The following RAB28 variants were observed in gnomAD, a reference collection of about 807,000 sequenced individuals.
The protein encoded by RAB28 is RAB28, member RAS oncogene family.
A neutral mutation model predicts 31.7 loss-of-function variants in RAB28; 24 were observed. The ratio of observed to expected loss-of-function variants is 0.76; its 90% CI spans 0.55 to 1.06. The LOEUF is 1.06. RAB28 is among the 50% of genes least tolerant of loss of function. The pLI is 0.00. For synonymous variants in RAB28, 100 were observed against 90.4 expected (o/e 1.11, Z -0.60); for missense variants, 254 against 258.5 (o/e 0.98, Z 0.12).
At chr4:13,466,730 T>A (rs1259424779) in intron 3 of RAB28, among the ~76,000 whole-genome samples, 1 of 151,930 alleles carries the variant, frequency 6.6e-6, no homozygotes, top group Non-Finnish European at 1.5e-5. Context: ...GTTTTTGCAC[T>A]CCCATGTTTG....
At chr4:13,449,179 A>G (rs1398617191) in intron 4 of RAB28, among the ~76,000 whole-genome samples, 2 of 151,976 alleles carry the variant, frequency 1.3e-5, no homozygotes, top group African/African-American at 4.8e-5. Context: ...ACTTTGGTAT[A>G]ATATTATAGG....
rs1422988916 is a variant in RAB28 at position 13,413,525 on chromosome 4, TAATA to T, written c.392-31935_392-31932del. On this transcript the variant is annotated intron_variant, in intron 4 of 6. Coordinates refer to ENST00000330852, the MANE Select transcript of RAB28 (RefSeq NM_001017979.3). The stretch of plus-strand genomic sequence containing the variant: ...TTTATTCGGCTCTTGTCACACTATT[TAATA>T]GTACCCGCAGAGAAAAAAGCATAAA... 3.3e-5 allele frequency among the ~76,000 whole-genome samples: 5 copies of T among 152,204 alleles called. No individual in the cohort carries two copies. In the East Asian group the frequency reaches 7.7e-4, roughly 24 times the overall value.
At chr4:13,401,050 A>T (rs1349017871) in intron 4 of RAB28, among the ~76,000 whole-genome samples, 1 of 152,162 alleles carries the variant, frequency 6.6e-6, no homozygotes, top group Non-Finnish European at 1.5e-5. Flanking sequence ...ATCTGATTTT[A>T]ATAGATTATT....
chr4:13,469,068 G>A (rs1215695830), intron 3 of RAB28, among the ~76,000 whole-genome samples: 1 of 151,940 alleles, frequency 6.6e-6, no homozygotes, highest in Admixed American at 6.6e-5. Context: ...CACCTCTTCA[G>A]GAGCCATAAT....
intron 6 of RAB28, chr4:13,371,678 T>TAGAAAAAC: frequency 6.7e-7 from 1 of 1,494,054 alleles, no homozygotes; most frequent in Non-Finnish European, 8.9e-7. Context: ...TTTCTATGAT[T>TAGAAAAAC]AGAAAAACAT....
At chr4:13,426,487 C>A (rs1285317007) in intron 4 of RAB28, among the ~76,000 whole-genome samples, 1 of 152,122 alleles carries the variant, frequency 6.6e-6, no homozygotes, top group Non-Finnish European at 1.5e-5. Context: ...AAAATATTTA[C>A]AAAGTACTGA....
intron 3 of RAB28, among the ~76,000 whole-genome samples, chr4:13,465,960 T>C (rs1715822262): frequency 6.6e-6 from 1 of 151,590 alleles, no homozygotes; most frequent in Non-Finnish European, 1.5e-5. Context: ...GAGCCAGAAA[T>C]ACACAATGGA....
At chr4:13,445,413 T>A (rs1714642510) in intron 4 of RAB28, among the ~76,000 whole-genome samples, 1 of 152,046 alleles carries the variant, frequency 6.6e-6, no homozygotes, top group South Asian at 2.1e-4. Flanking sequence ...CCTGGAGAAG[T>A]GTTGCGATCA....
rs142942329 is a variant in RAB28 at position 13,445,494 on chromosome 4, T to C, written c.391+15205A>G. 2.4e-3 allele frequency among the ~76,000 whole-genome samples: 371 copies of C among 152,264 alleles called. 3 individuals carry two copies. Among genetic ancestry groups the C allele is most frequent in the African/African-American group, 8.4e-3 (349 of 41,538 alleles). On this transcript the variant is annotated intron_variant, in intron 4 of 6. Coordinates refer to ENST00000330852, the MANE Select transcript of RAB28 (RefSeq NM_001017979.3). The stretch of plus-strand genomic sequence containing the variant: ...CTGCATTGGTTTTTCCTCATCTTCG[T>C]GGATTTATCTACCTTTGCTCTTTGA...
chr4:13,424,764 T>A (rs917505788), intron 4 of RAB28, among the ~76,000 whole-genome samples: 5 of 152,232 alleles, frequency 3.3e-5, no homozygotes, highest in African/African-American at 1.2e-4. Context: ...ACCCTCTTTT[T>A]GTAGACTGGA....
chr4:13,400,532 A>T (rs1711687779), intron 4 of RAB28, among the ~76,000 whole-genome samples: 1 of 151,868 alleles, frequency 6.6e-6, no homozygotes, highest in Non-Finnish European at 1.5e-5. Context: ...CTTCCTTTTC[A>T]ATTTGTATGT....
chr4:13,446,211 T>G (rs1405958226), intron 4 of RAB28, among the ~76,000 whole-genome samples: 1 of 151,998 alleles, frequency 6.6e-6, no homozygotes, highest in African/African-American at 2.4e-5. Flanking sequence ...CGGTAGCCCC[T>G]CCCCCAACCA....
At chr4:13,409,763 A>G (rs1712316577) in intron 4 of RAB28, among the ~76,000 whole-genome samples, 1 of 152,232 alleles carries the variant, frequency 6.6e-6, no homozygotes, top group Admixed American at 6.5e-5. Context: ...AATGCTAACC[A>G]GAACAATACA....
chr4:13,457,472 T>C (rs1057432238), intron 4 of RAB28, among the ~76,000 whole-genome samples: 10 of 152,092 alleles, frequency 6.6e-5, no homozygotes, highest in Non-Finnish European at 1.3e-4. Context: ...TTCAGGAAAA[T>C]ATTTATCTAT....
At chr4:13,399,430 A>G (rs1711619491) in intron 4 of RAB28, among the ~76,000 whole-genome samples, 1 of 152,242 alleles carries the variant, frequency 6.6e-6, no homozygotes, top group Non-Finnish European at 1.5e-5. Context: ...ATGTCACCTG[A>G]TAATATGCCT....
At chr4:13,373,876 T>G (rs1012377204) in intron 6 of RAB28, among the ~76,000 whole-genome samples, 6 of 152,036 alleles carry the variant, frequency 3.9e-5, no homozygotes, top group Admixed American at 6.6e-5. Context: ...AACATTCCCT[T>G]GAATCCCCCC....
chr4:13,433,589 C>T (rs1216263443), intron 4 of RAB28, among the ~76,000 whole-genome samples: 24 of 151,992 alleles, frequency 1.6e-4, no homozygotes, highest in Admixed American at 1.5e-3. Flanking sequence ...CAGAGAAATA[C>T]ATATCAAAAC....
At chr4:13,444,667 CT>C (rs1414161999) in intron 4 of RAB28, among the ~76,000 whole-genome samples, 4 of 152,184 alleles carry the variant, frequency 2.6e-5, no homozygotes, top group African/African-American at 9.7e-5. Flanking sequence ...CAATACTTAC[CT>C]TTTGTCTTTT....
chr4:13,417,556 C>A (rs557665037), intron 4 of RAB28, among the ~76,000 whole-genome samples: 1 of 152,306 alleles, frequency 6.6e-6, no homozygotes, highest in South Asian at 2.1e-4. Flanking sequence ...AAGGATCAGG[C>A]AGCAATATTT....
Sources: gnomAD v4.1 joint callset for allele counts (sites outside exome capture counted in the v4.1 genomes callset) on GRCh38, gnomAD v4.1.1 for gene constraint, MANE v1.5 for transcripts, NCBI Gene and HGNC (gene_info 2026-07-23, HGNC 2026-07-21) for gene names.